Variants in GLRB observed in about 807,000 individuals in gnomAD.
The protein encoded by GLRB is glycine receptor subunit beta.
Under a neutral mutation model 54.2 loss-of-function variants are expected in GLRB, and 33 were observed. The observed-to-expected ratio is 0.61, with a 90% CI of 0.46 to 0.81. The LOEUF (loss-of-function observed/expected upper bound fraction) is 0.81, where lower values mean the gene tolerates loss of function less well. Among genes scored for constraint, GLRB ranks in the 40% least tolerant of loss-of-function variants. The probability of loss-of-function intolerance (pLI) is 0.00; values close to 1 mark genes in which losing one functional copy is unlikely to be tolerated. For synonymous variants in GLRB, 209 were observed against 208.2 expected (o/e 1.00, Z -0.03); for missense variants, 572 against 584.6 (o/e 0.98, Z 0.22).
chr4:157,149,685 T>C (rs1451244097), intron 8 of GLRB, among the ~76,000 whole-genome samples: 1 of 152,082 alleles, frequency 6.6e-6, no homozygotes, highest in Non-Finnish European at 1.5e-5. Context: ...ACAAATTTGG[T>C]GATTATCACA....
intron 8 of GLRB, among the ~76,000 whole-genome samples, chr4:157,151,559 A>T (rs1005847503): frequency 2.0e-5 from 3 of 152,106 alleles, no homozygotes; most frequent in Non-Finnish European, 2.9e-5. Context: ...CATCTGCAGA[A>T]GTTATATTTG....
Position 157,127,197 on chromosome 4 carries a change from A to G in GLRB, c.297+4800A>G, listed in dbSNP as rs977996693. On this transcript the variant is annotated intron_variant, in intron 4 of 9. Coordinates refer to ENST00000264428, the MANE Select transcript of GLRB (RefSeq NM_000824.5). ...AAATGCTTTCCTTAAAACTTGCCTC[A>G]GTTTACTATTTATATTTTGTTTTTG... Among the ~76,000 whole-genome samples the G allele has an allele frequency of 5.3e-5, 8 of 151,690 alleles. No individual in the cohort carries two copies. In the East Asian group the frequency reaches 7.8e-4, roughly 15 times the overall value.
At chr4:157,080,554 A>C (rs61337804) in intron 2 of GLRB, among the ~76,000 whole-genome samples, 28,800 of 152,080 alleles carry the variant, frequency 0.19, 2,984 homozygotes, top group East Asian at 0.38. Flanking sequence ...TATCAAATTT[A>C]TTTCAGATGC....
chr4:157,087,972 T>C (rs1025254589), intron 2 of GLRB, among the ~76,000 whole-genome samples: 22 of 152,246 alleles, frequency 1.4e-4, no homozygotes, highest in Non-Finnish European at 2.6e-4. Flanking sequence ...AAGTTTACAC[T>C]TAGAATTCAT....
At chr4:157,118,103 T>C (rs996121387) in intron 2 of GLRB, among the ~76,000 whole-genome samples, 1 of 151,608 alleles carries the variant, frequency 6.6e-6, no homozygotes, top group African/African-American at 2.4e-5. Context: ...AAAAATGAGT[T>C]TGACTGACAC....
At chr4:157,121,249 T>C (rs942606409) in intron 3 of GLRB, among the ~76,000 whole-genome samples, 1 of 151,702 alleles carries the variant, frequency 6.6e-6, no homozygotes, top group African/African-American at 2.4e-5. Context: ...CAATTAGATA[T>C]TACCATTTAT....
intron 2 of GLRB, among the ~76,000 whole-genome samples, chr4:157,088,508 T>C (rs1002175082): frequency 2.6e-5 from 4 of 152,280 alleles, no homozygotes; most frequent in East Asian, 3.9e-4. Context: ...AGGCTCTAAA[T>C]TTCTCTCTCC....
In GLRB at chr4:157,171,882, GCACTAAGTCT is replaced by G. The variant is rs1737935695; in HGVS notation, c.*1157_*1166del. 1 of 151,700 alleles carries G rather than the reference GCACTAAGTCT, an allele frequency of 6.6e-6. No individual in the cohort carries two copies. The highest frequency in any genetic ancestry group is 1.9e-4 in the East Asian group (1 of 5,186). 9.4% of individuals were successfully genotyped at this position (151,700 alleles called of 1,614,324 possible). On this transcript the variant is annotated 3_prime_UTR_variant, in exon 10 of 10. Coordinates refer to ENST00000264428, the MANE Select transcript of GLRB (RefSeq NM_000824.5). Reference sequence around the variant, plus strand: ...TGAACTTGTTCCAATCCAAAAGTAAGCACTAAGTCTCATTTTATGAGACCACCATTTCTTA... The same window carrying G: ...TGAACTTGTTCCAATCCAAAAGTAAGCATTTTATGAGACCACCATTTCTTA...
intron 2 of GLRB, among the ~76,000 whole-genome samples, chr4:157,112,034 T>A (rs75091873): frequency 0.012 from 1,846 of 152,066 alleles, 42 homozygotes; most frequent in African/African-American, 0.042. Context: ...TTTTCCTATC[T>A]GCTTATTAAA....
chr4:157,130,808 C>G (rs1736187157), intron 4 of GLRB, among the ~76,000 whole-genome samples: 1 of 151,282 alleles, frequency 6.6e-6, no homozygotes, highest in African/African-American at 2.4e-5. Context: ...TGTGTTTAGC[C>G]CTTTGAGGAA....
At chr4:157,151,104 A>G (rs1029066877) in intron 8 of GLRB, among the ~76,000 whole-genome samples, 13 of 152,118 alleles carry the variant, frequency 8.5e-5, no homozygotes, top group Non-Finnish European at 1.6e-4. Context: ...ATAAATATTC[A>G]GGTATACAGC....
intron 8 of GLRB, among the ~76,000 whole-genome samples, chr4:157,151,976 C>T (rs563793633): frequency 5.7e-4 from 86 of 152,078 alleles, no homozygotes; most frequent in Non-Finnish European, 1.1e-3. Flanking sequence ...TCATCATCTT[C>T]TCTCTTGAAA....
intron 2 of GLRB, among the ~76,000 whole-genome samples, chr4:157,119,291 G>A (rs1735716797): frequency 6.6e-6 from 1 of 151,568 alleles, no homozygotes. Flanking sequence ...ATATTTTACT[G>A]AGTGAGGAAA....
chr4:157,155,041 A>T (rs1010369957), intron 9 of GLRB, among the ~76,000 whole-genome samples: 9 of 152,164 alleles, frequency 5.9e-5, no homozygotes, highest in African/African-American at 2.2e-4. Context: ...AGGAGAAGAA[A>T]ATGTTATTGT....
chr4:157,108,602 T>C (rs1383369954), intron 2 of GLRB, among the ~76,000 whole-genome samples: 1 of 152,128 alleles, frequency 6.6e-6, no homozygotes, highest in East Asian at 1.9e-4. Flanking sequence ...CATTGATTCC[T>C]ATGGATGAGC....
rs572973536 is a variant in GLRB at position 157,162,127 on chromosome 4, G to A, written c.1198-8305G>A. On this transcript the variant is annotated intron_variant, in intron 9 of 9. Coordinates refer to ENST00000264428, the MANE Select transcript of GLRB (RefSeq NM_000824.5). ...CTTTCTTCCAGTTGATCAAATCGGC[G>A]ACTGAAGCTTGTGAATGCATCACGT... 1.2e-4 allele frequency among the ~76,000 whole-genome samples: 18 copies of A among 152,190 alleles called. No individual in the cohort carries two copies. In the South Asian group the frequency reaches 1.2e-3, roughly 11 times the overall value.
At chr4:157,129,570 G>A (rs1354774435) in intron 4 of GLRB, among the ~76,000 whole-genome samples, 7 of 151,642 alleles carry the variant, frequency 4.6e-5, no homozygotes, top group African/African-American at 1.7e-4. Context: ...GTATTATATG[G>A]CCTCATAACT....
intron 2 of GLRB, among the ~76,000 whole-genome samples, chr4:157,110,167 G>A (rs1167225322): frequency 1.3e-5 from 2 of 151,892 alleles, no homozygotes; most frequent in African/African-American, 4.8e-5. Flanking sequence ...TATTCTAGGG[G>A]CCATGAACTG....
intron 4 of GLRB, among the ~76,000 whole-genome samples, chr4:157,122,730 T>C (rs1379458563): frequency 6.6e-6 from 1 of 151,824 alleles, no homozygotes; most frequent in Non-Finnish European, 1.5e-5. Context: ...TATGCTTATA[T>C]GTTGGAACAT....
Sources: allele counts gnomAD v4.1 joint callset (sites outside exome capture counted in the v4.1 genomes callset), GRCh38; gene constraint gnomAD v4.1.1; transcripts MANE v1.5; gene names NCBI Gene and HGNC (gene_info 2026-07-23, HGNC 2026-07-21).